Variants in ZNF253 observed in about 807,000 individuals in gnomAD.
ZNF253 encodes DNA-binding protein.
A neutral mutation model predicts 11.9 loss-of-function variants in ZNF253; 8 were observed. That is an observed-to-expected ratio of 0.67 (90% CI 0.40 to 1.22). ZNF253 has a LOEUF of 1.22. Ranked by LOEUF, ZNF253 falls within the 50% of genes most tolerant of loss-of-function variation. The probability of loss-of-function intolerance (pLI) is 0.01; values close to 1 mark genes in which losing one functional copy is unlikely to be tolerated. For missense variants in ZNF253, 485 were observed against 586.9 expected (o/e 0.83, Z 1.79); for synonymous variants, 194 against 194.9 (o/e 1.00, Z 0.04).
chr19:19,867,009 A>G (rs774626649), intron 1 of ZNF253, among the ~76,000 whole-genome samples: 4 of 152,176 alleles, frequency 2.6e-5, no homozygotes, highest in Non-Finnish European at 5.9e-5. Flanking sequence ...GGAATCTATT[A>G]TATCTGTCAG....
At chr19:19,876,777 C>T (rs897630378) in intron 1 of ZNF253, among the ~76,000 whole-genome samples, 5 of 151,978 alleles carry the variant, frequency 3.3e-5, no homozygotes, top group Admixed American at 3.3e-4. Flanking sequence ...GAATGCTATG[C>T]ATTTAGTACT....
intron 3 of ZNF253, among the ~76,000 whole-genome samples, chr19:19,890,956 G>A (rs991270019): frequency 4.2e-5 from 6 of 142,958 alleles, no homozygotes; most frequent in Non-Finnish European, 9.0e-5. Context: ...ATTCTCTGCC[G>A]CAGCCCTCCG....
chr19:19,892,194 A>G lies in ZNF253; in HGVS notation c.947A>G (p.Glu316Gly). ...AGAGGGAAACCCTACAACTGTGAAGAATGTGGCAAATCCTTTAAGCACTGC... is the reference window on the plus strand; with the variant it reads ...AGAGGGAAACCCTACAACTGTGAAGGATGTGGCAAATCCTTTAAGCACTGC... Reference protein sequence around the residue: ...HTRGKPYNCEECGKSFKHCSN... With the variant: ...HTRGKPYNCEGCGKSFKHCSN... The change falls in exon 4 of 4, where the codon GAA (glutamate) becomes GGA (glycine). Residue 316 changes from glutamate to glycine, a missense_variant. Glu to Gly is a moderately conservative substitution (Grantham distance 98, BLOSUM62 -2). Coordinates refer to ENST00000589717, the MANE Select transcript of ZNF253 (RefSeq NM_021047.3). 1 of 1,613,830 alleles carries G rather than the reference A, an allele frequency of 6.2e-7. No individual in the cohort carries two copies.
In ZNF253 at chr19:19,891,525, C is replaced by G. The variant is rs2063229490; in HGVS notation, c.278C>G (p.Ser93Cys). The change falls in exon 4 of 4, where the codon TCT (serine) becomes TGT (cysteine). Residue 93 changes from serine (S) to cysteine (C), a missense_variant. By Grantham distance (112) the Ser-to-Cys change is moderately radical (BLOSUM62 -1). This residue lies in a region of ZNF253 where 218 missense variants were observed against 213.1 expected (regional missense o/e 1.02). Transcript: ENST00000589717. ...QDLWPENIQNSFQIGMLRRYE... is the reference protein window; with the variant it reads ...QDLWPENIQNCFQIGMLRRYE... ...CTTTGGCCAGAGAACATACAAAATT[C>G]TTTCCAAATAGGGATGCTGAGAAGA... is the stretch of plus-strand genomic sequence containing the variant. 8.1e-6 allele frequency: 13 copies of G among 1,612,140 alleles called. No homozygotes were observed. Among genetic ancestry groups the G allele is most frequent in the Non-Finnish European group, 1.0e-5 (12 of 1,179,190 alleles).
intron 3 of ZNF253, among the ~76,000 whole-genome samples, chr19:19,883,892 C>CA (rs2063187979): frequency 8.2e-6 from 1 of 121,360 alleles, no homozygotes; most frequent in Non-Finnish European, 1.6e-5. Context: ...CCTGTCTGTA[C>CA]TAAAATACAA....
intron 3 of ZNF253, among the ~76,000 whole-genome samples, chr19:19,883,460 A>C (rs191492162): frequency 2.0e-5 from 3 of 152,038 alleles, no homozygotes; most frequent in Non-Finnish European, 4.4e-5. Flanking sequence ...AAAAAATTTA[A>C]TAATAGCCAA....
chr19:19,867,665 G>C (rs968012866), intron 1 of ZNF253, among the ~76,000 whole-genome samples: 18 of 152,220 alleles, frequency 1.2e-4, no homozygotes, highest in African/African-American at 4.3e-4. Flanking sequence ...CACCGCATCT[G>C]ACCATACCGT....
In ZNF253 at chr19:19,880,140, C is replaced by A. The variant is rs987665521; in HGVS notation, c.220C>A (p.Pro74Thr). The change falls in exon 3 of 4, where the codon CCC becomes ACC. Residue 74 changes from proline to threonine, a missense_variant. Pro to Thr is a conservative substitution (Grantham distance 38). Transcript: ENST00000589717. ...TMERHEMIAK[P>T]PVMSSHFAQD... ...GGAAAGACATGAGATGATTGCCAAA[C>A]CCCCAGGTAGGTACGAGTGAAAACG... 2 of 1,603,224 alleles carry A rather than the reference C, an allele frequency of 1.2e-6. No individual in the cohort carries two copies. Among genetic ancestry groups the A allele is most frequent in the Admixed American group, 3.4e-5 (2 of 58,814 alleles).
chr19:19,865,880 A>C, upstream of ZNF253: 7 of 1,326,712 alleles, frequency 5.3e-6, no homozygotes, highest in Non-Finnish European at 7.6e-6. Context: ...CGGGAGCTCC[A>C]GGTTTATCCT....
chr19:19,883,023 T>G (rs1599555322), intron 3 of ZNF253, among the ~76,000 whole-genome samples: 3 of 152,030 alleles, frequency 2.0e-5, no homozygotes, highest in Admixed American at 1.3e-4. Flanking sequence ...AGATTACATA[T>G]GTATGTGTGT....
At chr19:19,875,783 CAG>C (rs1332863581) in intron 1 of ZNF253, among the ~76,000 whole-genome samples, 3 of 152,120 alleles carry the variant, frequency 2.0e-5, no homozygotes, top group Non-Finnish European at 2.9e-5. Context: ...GATGGAGAAA[CAG>C]AGGAAGAAAT....
In ZNF253 at chr19:19,892,461, T is replaced by C. The variant is rs2063236886; in HGVS notation, c.1214T>C (p.Phe405Ser). The C allele has an allele frequency of 6.2e-7, 1 of 1,613,596 alleles. No homozygotes were observed. The highest frequency in any genetic ancestry group is 8.5e-7 in the Non-Finnish European group (1 of 1,179,890). Residue 405 changes from phenylalanine to serine, a missense_variant, in exon 4 of 4, where the codon TTT (phenylalanine) becomes TCT (serine). Transcript: ENST00000589717. ...AAATGTGATGAATGTGGCAAAACCTTTACCTGGCCCTCAATCCTCTCCAAA... is the reference window on the plus strand; with the variant it reads ...AAATGTGATGAATGTGGCAAAACCTCTACCTGGCCCTCAATCCTCTCCAAA... Reference protein sequence around the residue: ...PYKCDECGKTFTWPSILSKHK... With the variant: ...PYKCDECGKTSTWPSILSKHK...
rs759238936 is a variant in ZNF253, at chr19:19,892,390, A to T, written c.1143A>T (p.Thr381=). The change falls in exon 4 of 4, where the codon ACA becomes ACT. Residue 381 remains threonine (T), a synonymous_variant. Coordinates refer to ENST00000589717, the MANE Select transcript of ZNF253 (RefSeq NM_021047.3). ...GTGGCAAAGCTTTTAACCATTCCAC[A>T]ACCCTTTTTTCACATGAGAAAATTC... ...RECGKAFNHS[T]TLFSHEKIHT... is the part of the protein sequence containing the mutation. 9.9e-6 allele frequency: 16 copies of T among 1,613,900 alleles called. No individual in the cohort carries two copies. The South Asian group carries it at 1.5e-4, about 16-fold the overall frequency.
At chr19:19,870,496 A>G (rs1273945638) in intron 1 of ZNF253, among the ~76,000 whole-genome samples, 1 of 151,196 alleles carries the variant, frequency 6.6e-6, no homozygotes, top group Non-Finnish European at 1.5e-5. Context: ...CCAAATTGTT[A>G]GAGTAGATAT....
intron 1 of ZNF253, among the ~76,000 whole-genome samples, chr19:19,869,364 A>G (rs1475053587): frequency 6.6e-6 from 1 of 152,102 alleles, no homozygotes; most frequent in Non-Finnish European, 1.5e-5. Context: ...GCATTAATAT[A>G]AATTAAACAT....
intron 2 of ZNF253, among the ~76,000 whole-genome samples, chr19:19,879,412 A>T (rs935209083): frequency 6.6e-6 from 1 of 152,126 alleles, no homozygotes; most frequent in Non-Finnish European, 1.5e-5. Context: ...TAATAAAGTA[A>T]TTCATTATGT....
intron 1 of ZNF253, among the ~76,000 whole-genome samples, chr19:19,872,580 T>TATATATATTATTATATATATATATA (rs1555777030): frequency 9.2e-6 from 1 of 108,438 alleles, no homozygotes; most frequent in African/African-American, 5.1e-5. Context: ...TATATATATA[T>TATATATATTATTATATATATATATA]TATTATATAT....
chr19:19,869,649 C>T (rs1048337104), intron 1 of ZNF253, among the ~76,000 whole-genome samples: 6 of 146,746 alleles, frequency 4.1e-5, no homozygotes, highest in Admixed American at 2.7e-4. Flanking sequence ...GCATGAGCCA[C>T]CATGCCTGGC....
In ZNF253 at chr19:19,885,275, CTTTCTTTCTTTCTTTCTCTTTCTTT is replaced by C. The variant is rs2063197136; in HGVS notation, c.226+5131_226+5155del. 8.8e-5 allele frequency among the ~76,000 whole-genome samples: 4 copies of C among 45,534 alleles called. No homozygotes were observed. In the African/African-American group the frequency reaches 9.5e-4, roughly 11 times the overall value. 29.9% of individuals were successfully genotyped at this position (45,534 alleles called of 152,430 possible). On this transcript the variant is annotated intron_variant, in intron 3 of 3. Coordinates refer to ENST00000589717, the MANE Select transcript of ZNF253 (RefSeq NM_021047.3). ...TCTTTCTTTCTTTCTTTCTTTCTTTCTTTCTTTCTTTCTTTCTCTTTCTTTTCTTTCTTTCTTTCTTTCTTTCTTT... is the reference window on the plus strand; with the variant it reads ...TCTTTCTTTCTTTCTTTCTTTCTTTCTCTTTCTTTCTTTCTTTCTTTCTTT...
Sources: gnomAD v4.1 joint callset for allele counts (sites outside exome capture counted in the v4.1 genomes callset) on GRCh38, gnomAD v4.1.1 for gene constraint, gnomAD v4.1.1 regional missense constraint, MANE v1.5 for transcripts, NCBI Gene and HGNC (gene_info 2026-07-23, HGNC 2026-07-21) for gene names.